The following PLCB1 variants were observed in gnomAD, a reference collection of about 807,000 sequenced individuals.
The protein encoded by PLCB1 is 1-phosphatidylinositol 4,5-bisphosphate phosphodiesterase beta-1.
A neutral mutation model predicts 161.8 loss-of-function variants in PLCB1; 46 were observed. The observed-to-expected ratio is 0.28, with a 90% CI of 0.22 to 0.36. The LOEUF is 0.36. Among genes scored for constraint, PLCB1 ranks in the 10% least tolerant of loss-of-function variants. PLCB1 has a pLI of 1.00. For synonymous variants in PLCB1, 517 were observed against 503.7 expected, an observed-to-expected ratio of 1.03 and a Z score of -0.35; for missense variants, 1,016 against 1,472.5, an observed-to-expected ratio of 0.69 and a Z score of 5.07.
intron 2 of PLCB1, among the ~76,000 whole-genome samples, chr20:8,353,696 C>G (rs1165587110): frequency 6.6e-6 from 1 of 152,094 alleles, no homozygotes; most frequent in East Asian, 1.9e-4. Flanking sequence ...AAATACCTGA[C>G]TAGTACTCCT....
At chr20:8,227,161 C>T (rs184260439) in intron 2 of PLCB1, among the ~76,000 whole-genome samples, 1 of 152,036 alleles carries the variant, frequency 6.6e-6, no homozygotes, top group African/African-American at 2.4e-5. Flanking sequence ...TTTTCCCTCA[C>T]AATACACCTT....
At chr20:8,523,882 A>T (rs1984479523) in intron 3 of PLCB1, among the ~76,000 whole-genome samples, 1 of 152,072 alleles carries the variant, frequency 6.6e-6, no homozygotes, top group Non-Finnish European at 1.5e-5. Flanking sequence ...TGCAGAAACC[A>T]TGCCACCCAG....
chr20:8,274,639 T>C (rs1421085943), intron 2 of PLCB1, among the ~76,000 whole-genome samples: 1 of 152,208 alleles, frequency 6.6e-6, no homozygotes, highest in Non-Finnish European at 1.5e-5. Context: ...TTGCTTCTTC[T>C]CTAAATTGTC....
intron 14 of PLCB1, among the ~76,000 whole-genome samples, chr20:8,720,429 C>G (rs2123473525): frequency 6.6e-6 from 1 of 152,280 alleles, no homozygotes; most frequent in South Asian, 2.1e-4. Context: ...AAGAGCACCG[C>G]TAATTTACCA....
At chr20:8,299,775 C>A (rs541804529) in intron 2 of PLCB1, among the ~76,000 whole-genome samples, 1 of 152,212 alleles carries the variant, frequency 6.6e-6, no homozygotes, top group Non-Finnish European at 1.5e-5. Context: ...TCTATGCAAT[C>A]TATCACCACC....
intron 31 of PLCB1, among the ~76,000 whole-genome samples, chr20:8,829,604 G>A (rs1016327125): frequency 4.6e-5 from 7 of 152,188 alleles, no homozygotes; most frequent in Non-Finnish European, 5.9e-5. Flanking sequence ...GGCAATGCAC[G>A]CCTGGAAGGA....
At chr20:8,751,365 C>T (rs1036579704) in intron 23 of PLCB1, 4 of 152,242 alleles carry the variant, frequency 2.6e-5, no homozygotes, top group African/African-American at 9.7e-5. Context: ...CAGTTAAATC[C>T]TCCAAATCCT....
intron 10 of PLCB1, among the ~76,000 whole-genome samples, chr20:8,695,773 C>G (rs1990571847): frequency 6.6e-6 from 1 of 152,026 alleles, no homozygotes; most frequent in Admixed American, 6.5e-5. Flanking sequence ...ATAGGGAAAA[C>G]CAAAGACTTC....
chr20:8,195,701 G>A (rs1017660783), intron 2 of PLCB1, among the ~76,000 whole-genome samples: 1 of 152,012 alleles, frequency 6.6e-6, no homozygotes, highest in African/African-American at 2.4e-5. Context: ...ACGTTATTTA[G>A]TCTTCTGAAA....
intron 31 of PLCB1, among the ~76,000 whole-genome samples, chr20:8,859,981 T>C (rs1483266058): frequency 4.6e-5 from 7 of 152,226 alleles, no homozygotes; most frequent in Admixed American, 4.6e-4. Flanking sequence ...TATAAATATG[T>C]GGGCTTTTTG....
At chr20:8,265,135 A>G (rs1600272869) in intron 2 of PLCB1, among the ~76,000 whole-genome samples, 2 of 152,298 alleles carry the variant, frequency 1.3e-5, no homozygotes, top group East Asian at 3.9e-4. Flanking sequence ...GTATTCTTGG[A>G]CTTAATCCTA....
At chr20:8,752,457 C>T (rs1361534968) in intron 23 of PLCB1, 1 of 152,234 alleles carries the variant, frequency 6.6e-6, no homozygotes, top group Non-Finnish European at 1.5e-5. Context: ...TCTACAGCCA[C>T]TTCTAATTGC....
intron 3 of PLCB1, among the ~76,000 whole-genome samples, chr20:8,612,888 T>C (rs2069898456): frequency 6.6e-6 from 1 of 152,190 alleles, no homozygotes; most frequent in African/African-American, 2.4e-5. Context: ...TGTTAATGAC[T>C]TTTCAGGAAG....
At chr20:8,767,750 G>A (rs1376463783) in intron 26 of PLCB1, among the ~76,000 whole-genome samples, 1 of 152,160 alleles carries the variant, frequency 6.6e-6, no homozygotes, top group Non-Finnish European at 1.5e-5. Flanking sequence ...TTCTGGAATA[G>A]CATTTCATTG....
At chr20:8,395,030 A>G (rs1987724191) in intron 3 of PLCB1, among the ~76,000 whole-genome samples, 2 of 152,156 alleles carry the variant, frequency 1.3e-5, no homozygotes, top group Admixed American at 6.5e-5. Context: ...ATGTTAATTA[A>G]AAATTAAATT....
intron 3 of PLCB1, among the ~76,000 whole-genome samples, chr20:8,579,212 G>T (rs1219134499): frequency 6.6e-6 from 1 of 152,188 alleles, no homozygotes; most frequent in Non-Finnish European, 1.5e-5. Flanking sequence ...CATCTACAGA[G>T]AAATAAAAAG....
intron 7 of PLCB1, among the ~76,000 whole-genome samples, 184 bp from the exon 8 acceptor site, chr20:8,657,000 T>C (rs974635758): frequency 1.4e-4 from 21 of 151,438 alleles, no homozygotes; most frequent in Admixed American, 5.3e-4. Flanking sequence ...ACCTCATAGG[T>C]GTGTTATGAA....
intron 3 of PLCB1, among the ~76,000 whole-genome samples, chr20:8,524,453 C>A (rs1050578681): frequency 6.6e-6 from 1 of 152,132 alleles, no homozygotes; most frequent in Non-Finnish European, 1.5e-5. Context: ...GGTCATGGCA[C>A]TTGTTTCTCT....
intron 1 of PLCB1, among the ~76,000 whole-genome samples, chr20:8,133,358 C>T (rs573476046): frequency 1.8e-4 from 27 of 152,072 alleles, no homozygotes; most frequent in Admixed American, 3.3e-4. Context: ...CTGGGGAGGG[C>T]GTGAACAGAA....
Sources: allele counts gnomAD v4.1 joint callset (sites outside exome capture counted in the v4.1 genomes callset), GRCh38; gene constraint gnomAD v4.1.1; transcripts MANE v1.5; gene names NCBI Gene and HGNC (gene_info 2026-07-23, HGNC 2026-07-21).